The following CSTPP1 variants were observed in gnomAD, a reference collection of about 807,000 sequenced individuals.
The protein encoded by CSTPP1 is UPF0705 protein C11orf49.
the CSTPP1 span, chr11:47,161,065 G>A: frequency 1.2e-6 from 2 of 1,601,758 alleles, no homozygotes; most frequent in Non-Finnish European, 1.7e-6. Context: ...GGGGCATGGA[G>A]GAATCTGTTG....
the CSTPP1 span, among the ~76,000 whole-genome samples, chr11:46,983,228 C>T: frequency 1.3e-5 from 2 of 152,172 alleles, no homozygotes; most frequent in South Asian, 2.1e-4. Context: ...AAAGAGATTA[C>T]GTGATCAACA....
the CSTPP1 span, among the ~76,000 whole-genome samples, chr11:46,954,050 A>C: frequency 6.6e-6 from 1 of 152,232 alleles, no homozygotes; most frequent in Admixed American, 6.5e-5. Flanking sequence ...GCCAAGTACA[A>C]GTATTCTGAG....
the CSTPP1 span, among the ~76,000 whole-genome samples, chr11:46,980,085 C>CA: frequency 3.3e-5 from 5 of 151,804 alleles, no homozygotes; most frequent in South Asian, 2.1e-4. Context: ...AACAAAAAAA[C>CA]AAAAAAACCC....
chr11:47,135,977 C>T, the CSTPP1 span, among the ~76,000 whole-genome samples: 1 of 88,490 alleles, frequency 1.1e-5, no homozygotes, highest in Non-Finnish European at 2.5e-5. Flanking sequence ...AATTAAGTAA[C>T]TCTCTCTCTC....
At chr11:47,020,903 T>C in the CSTPP1 span, among the ~76,000 whole-genome samples, 5 of 152,306 alleles carry the variant, frequency 3.3e-5, no homozygotes, top group South Asian at 1.0e-3. Context: ...AGAGATTTCT[T>C]TGGAGAGTCC....
the CSTPP1 span, among the ~76,000 whole-genome samples, chr11:47,090,778 G>A: frequency 2.5e-3 from 373 of 152,140 alleles, no homozygotes; most frequent in Admixed American, 4.4e-3. Context: ...GGAGGCTCAC[G>A]CCTGTAATCC....
chr11:47,104,354 G>A, the CSTPP1 span, among the ~76,000 whole-genome samples: 10 of 152,008 alleles, frequency 6.6e-5, no homozygotes, highest in Non-Finnish European at 1.2e-4. Context: ...TCAGTTCCCC[G>A]CCCTTCAGCT....
the CSTPP1 span, among the ~76,000 whole-genome samples, chr11:47,153,293 G>A: frequency 7.2e-5 from 11 of 152,140 alleles, no homozygotes; most frequent in Admixed American, 1.3e-4. Context: ...GGCCCTCAGC[G>A]GCACTGCTTC....
the CSTPP1 span, among the ~76,000 whole-genome samples, chr11:47,122,085 AAAAAAAATATATATATAT>A: frequency 2.4e-5 from 2 of 82,304 alleles, no homozygotes; most frequent in Non-Finnish European, 5.4e-5. Context: ...AAAAAAAAAA[AAAAAAAATATATATATAT>A]ATATATATAT....
At chr11:47,157,922 G>A in the CSTPP1 span, 225 of 1,612,700 alleles carry the variant, frequency 1.4e-4, no homozygotes, top group East Asian at 8.2e-4. Context: ...CCAAGCCCTC[G>A]GTAAGTCAGA....
At chr11:47,085,632 G>T in the CSTPP1 span, among the ~76,000 whole-genome samples, 2 of 152,154 alleles carry the variant, frequency 1.3e-5, no homozygotes. Context: ...GCTCATGCAT[G>T]AAATCTCAGC....
At chr11:47,051,592 C>G in the CSTPP1 span, among the ~76,000 whole-genome samples, 1 of 152,152 alleles carries the variant, frequency 6.6e-6, no homozygotes. Flanking sequence ...ATAAAACCAC[C>G]CCAAACTGGA....
the CSTPP1 span, among the ~76,000 whole-genome samples, chr11:47,144,689 C>T: frequency 9.9e-5 from 15 of 152,284 alleles, no homozygotes; most frequent in African/African-American, 3.4e-4. Context: ...CTGGCCTCCT[C>T]CCAGCTGGGC....
At chr11:47,061,093 C>G in the CSTPP1 span, among the ~76,000 whole-genome samples, 1 of 151,812 alleles carries the variant, frequency 6.6e-6, no homozygotes, top group East Asian at 1.9e-4. Context: ...TTTTCCTTTC[C>G]TTTTTTTTCT....
the CSTPP1 span, among the ~76,000 whole-genome samples, chr11:47,015,003 A>G: frequency 5.2e-4 from 79 of 152,282 alleles, no homozygotes; most frequent in African/African-American, 1.8e-3. Context: ...AAAGACACAA[A>G]TTACCAATAT....
At chr11:46,955,986 ACCC>A in the CSTPP1 span, among the ~76,000 whole-genome samples, 2,283 of 115,616 alleles carry the variant, frequency 0.02, 72 homozygotes, top group African/African-American at 0.058. Context: ...GACTCCATCC[ACCC>A]CCCCCCCCCC....
chr11:47,102,444 C>G, the CSTPP1 span, among the ~76,000 whole-genome samples: 1 of 150,876 alleles, frequency 6.6e-6, no homozygotes, highest in Non-Finnish European at 1.5e-5. Context: ...TCAATTGAGG[C>G]AATATTGCCT....
the CSTPP1 span, among the ~76,000 whole-genome samples, chr11:47,151,833 C>T: frequency 6.1e-4 from 93 of 152,084 alleles, no homozygotes; most frequent in Non-Finnish European, 8.7e-4. Flanking sequence ...CACTCGCCCC[C>T]TACTCCCTCC....
chr11:47,056,322 T>TA, the CSTPP1 span, among the ~76,000 whole-genome samples: 2 of 152,362 alleles, frequency 1.3e-5, no homozygotes, highest in African/African-American at 4.8e-5. Flanking sequence ...GTTTCTGTGA[T>TA]AGAACATATG....
Sources: allele counts gnomAD v4.1 joint callset (sites outside exome capture counted in the v4.1 genomes callset), GRCh38; gene constraint gnomAD v4.1.1; transcripts MANE v1.5; gene names NCBI Gene and HGNC (gene_info 2026-07-23, HGNC 2026-07-21).